Variants in KCNJ1 observed in about 807,000 individuals in gnomAD.
KCNJ1 encodes the protein ATP-sensitive inward rectifier potassium channel 1.
A neutral mutation model predicts 21.9 loss-of-function variants in KCNJ1; 24 were observed. The ratio of observed to expected loss-of-function variants is 1.10; its 90% confidence interval spans 0.79 to 1.54. The LOEUF is 1.54. Ranked by LOEUF, KCNJ1 falls within the 40% of genes most tolerant of loss-of-function variation. KCNJ1 has a pLI of 0.00. For synonymous variants in KCNJ1, 152 were observed against 160.9 expected, an observed-to-expected ratio of 0.94 and a Z score of 0.42; for missense variants, 457 against 455.4, an observed-to-expected ratio of 1.00 and a Z score of -0.03.
In KCNJ1 at chr11:128,847,237, C is replaced by T. The variant is rs544412091; in HGVS notation, c.-22+3484G>A. On this transcript the variant is annotated intron_variant, in intron 2 of 2. Transcript: ENST00000392666. ...CCTTTCCAAAACCCTCTCAGTGAGA[C>T]GCCCCATGATTGTTTATGGTGCAGT... 8.0e-4 allele frequency among the ~76,000 whole-genome samples: 122 copies of T among 152,300 alleles called. 1 individual carries two copies. The highest frequency in any genetic ancestry group is 2.2e-3 in the African/African-American group (92 of 41,564).
intron 1 of KCNJ1, among the ~76,000 whole-genome samples, chr11:128,855,392 T>C (rs1250524611): frequency 2.0e-5 from 3 of 152,078 alleles, no homozygotes; most frequent in Non-Finnish European, 4.4e-5. Flanking sequence ...CCTCTAGGAA[T>C]TGTGATGAGA....
intron 2 of KCNJ1, among the ~76,000 whole-genome samples, chr11:128,846,210 G>A (rs1182053226): frequency 1.3e-5 from 2 of 152,102 alleles, no homozygotes; most frequent in Non-Finnish European, 1.5e-5. Context: ...AGAGTCAGGT[G>A]AGCTAAGCAA....
chr11:128,863,044 G>A (rs1943748677), intron 1 of KCNJ1, among the ~76,000 whole-genome samples: 1 of 152,220 alleles, frequency 6.6e-6, no homozygotes, highest in African/African-American at 2.4e-5. Context: ...AAGCCAGAAA[G>A]CTCCTGAGAA....
rs1245944232 is a variant in KCNJ1, at chr11:128,850,881, G to C, written c.-182C>G. On this transcript the variant is annotated 5_prime_UTR_variant, in exon 2 of 3. Transcript: ENST00000392666. ...CCAGGATGGGGATGAAGGCACAGTAGAGAAGAAACCTGGTAAAATACAACA... is the reference window on the plus strand; with the variant it reads ...CCAGGATGGGGATGAAGGCACAGTACAGAAGAAACCTGGTAAAATACAACA... The C allele has an allele frequency of 1.0e-6, 1 of 985,320 alleles. No homozygotes were observed. The highest frequency in any genetic ancestry group is 1.2e-6 in the Non-Finnish European group (1 of 829,906). The allele number at this position is 985,320 out of a possible 1,614,324, so 61.0% of individuals were successfully genotyped here.
chr11:128,854,026 C>T (rs1383821455), intron 1 of KCNJ1, among the ~76,000 whole-genome samples: 3 of 152,176 alleles, frequency 2.0e-5, no homozygotes, highest in Non-Finnish European at 4.4e-5. Flanking sequence ...CAGGCTGGCC[C>T]GTGGGCCCTC....
intron 1 of KCNJ1, among the ~76,000 whole-genome samples, chr11:128,855,641 T>C (rs757230619): frequency 6.6e-6 from 1 of 152,190 alleles, no homozygotes; most frequent in Non-Finnish European, 1.5e-5. Flanking sequence ...GAGTGAGTTA[T>C]TTGGCTTCTC....
chr11:128,860,786 G>A (rs1679818315), intron 1 of KCNJ1, among the ~76,000 whole-genome samples: 1 of 151,932 alleles, frequency 6.6e-6, no homozygotes. Flanking sequence ...TGACCACAGA[G>A]GAAAGTGCCC....
At chr11:128,850,078 C>CT (rs1555136224) in intron 2 of KCNJ1, among the ~76,000 whole-genome samples, 5 of 152,090 alleles carry the variant, frequency 3.3e-5, no homozygotes, top group East Asian at 1.9e-4. Context: ...AGGGCCCCCC[C>CT]GCCTCCAACC....
In KCNJ1 at chr11:128,839,506, TG is replaced by T. The variant is rs947839654; in HGVS notation, c.737del (p.Pro246HisfsTer2). 6 of 1,614,218 alleles carry T rather than the reference TG, an allele frequency of 3.7e-6. No individual in the cohort carries two copies. The highest frequency in any genetic ancestry group is 5.1e-6 in the Non-Finnish European group (6 of 1,180,032). On this transcript the variant is annotated frameshift_variant, in exon 3 of 3. Transcript: ENST00000392666. LOFTEE classifies it high-confidence loss of function. ...AGNENLFFISPLTIYHVIDHN... is the reference protein window; with the variant it reads ...AGNENLFFISXLTIYHVIDHN... Reference sequence around the variant, plus strand: ...GATCAATGACATGGTAAATTGTCAATGGGGAGATGAAGAATAAATTTTCATT... The same window carrying T: ...GATCAATGACATGGTAAATTGTCAATGGGAGATGAAGAATAAATTTTCATT...
In KCNJ1 at chr11:128,838,804, C is replaced by T; in HGVS notation, c.*321G>A. The T allele has an allele frequency of 6.6e-6, 2 of 301,738 alleles. No individual in the cohort carries two copies. The highest frequency in any genetic ancestry group is 9.7e-5 in the South Asian group (2 of 20,620). 18.7% of individuals were successfully genotyped at this position (301,738 alleles called of 1,614,324 possible). A position where few individuals can be genotyped will look rare whatever the true frequency, so the allele number is the denominator to read the frequency against. On this transcript the variant is annotated 3_prime_UTR_variant, in exon 3 of 3. Coordinates refer to ENST00000392666, the MANE Select transcript of KCNJ1 (RefSeq NM_153766.3). ...AAACTTTAAAAAATATTTTGTTTGG[C>T]CTGTTCATGAAACTTTTGATAATTT...
intron 1 of KCNJ1, among the ~76,000 whole-genome samples, chr11:128,861,652 C>T (rs1943710247): frequency 6.6e-6 from 1 of 152,284 alleles, no homozygotes; most frequent in Non-Finnish European, 1.5e-5. Context: ...GGTGCAAGCC[C>T]AGGAGTGAGG....
intron 2 of KCNJ1, among the ~76,000 whole-genome samples, chr11:128,849,904 G>A (rs767649883): frequency 1.3e-5 from 2 of 152,090 alleles, no homozygotes; most frequent in African/African-American, 2.4e-5. Context: ...CTGCCCGCCC[G>A]CCAACCCACC....
Position 128,839,076 on chromosome 11 carries a change from G to T in KCNJ1, c.*49C>A. On this transcript the variant is annotated 3_prime_UTR_variant, in exon 3 of 3. Coordinates refer to ENST00000392666, the MANE Select transcript of KCNJ1 (RefSeq NM_153766.3). ...GTTGACTGCTTCATAATGCTTCTAG[G>T]TACTAGGAGCTTTAGAGACTTTGCT... The T allele has an allele frequency of 6.7e-7, 1 of 1,501,478 alleles. No individual in the cohort carries two copies. Among genetic ancestry groups the T allele is most frequent in the Non-Finnish European group, 9.2e-7 (1 of 1,085,098 alleles). The allele number at this position is 1,501,478 out of a possible 1,614,324, so 93.0% of individuals were successfully genotyped here.
At position 128,855,781 on chromosome 11, in the gene KCNJ1, C is replaced by T. The variant is rs933367645; in HGVS notation, c.-191-4891G>A. Among the ~76,000 whole-genome samples the T allele has an allele frequency of 7.2e-5, 11 of 152,210 alleles. No individual in the cohort carries two copies. The South Asian group carries it at 2.3e-3, about 32-fold the overall frequency. ...GGAAAGCCACAATAAATGCCAGGCTCCTTCCTTGTTTAGCAGGGCTGAGGG... is the reference window on the plus strand; with the variant it reads ...GGAAAGCCACAATAAATGCCAGGCTTCTTCCTTGTTTAGCAGGGCTGAGGG... On this transcript the variant is annotated intron_variant, in intron 1 of 2. Transcript: ENST00000392666.
chr11:128,842,688 G>A (rs900035102), intron 2 of KCNJ1, among the ~76,000 whole-genome samples: 7 of 152,248 alleles, frequency 4.6e-5, no homozygotes, highest in Non-Finnish European at 1.0e-4. Flanking sequence ...CAAGCCATCA[G>A]CTAAGGTCTC....
chr11:128,844,049 T>C (rs900368126), intron 2 of KCNJ1, among the ~76,000 whole-genome samples: 32 of 152,244 alleles, frequency 2.1e-4, no homozygotes, highest in Non-Finnish European at 1.0e-4. Context: ...GAGTCACATA[T>C]AGTAGAAACT....
chr11:128,859,449 A>G (rs1355109167), intron 1 of KCNJ1, among the ~76,000 whole-genome samples: 1 of 152,166 alleles, frequency 6.6e-6, no homozygotes, highest in Admixed American at 6.5e-5. Context: ...AGGTCTCACT[A>G]GGTTACCCAG....
intron 1 of KCNJ1, among the ~76,000 whole-genome samples, chr11:128,854,452 C>A (rs1453319974): frequency 6.6e-6 from 1 of 152,052 alleles, no homozygotes; most frequent in Non-Finnish European, 1.5e-5. Context: ...CAAAACCCCG[C>A]CTTGCCCCAC....
intron 1 of KCNJ1, among the ~76,000 whole-genome samples, chr11:128,857,412 C>G (rs1304488771): frequency 1.3e-5 from 2 of 152,182 alleles, no homozygotes; most frequent in Non-Finnish European, 2.9e-5. Flanking sequence ...CCCTCCAGGA[C>G]AGCAGCCCGT....
Sources: allele counts gnomAD v4.1 joint callset (sites outside exome capture counted in the v4.1 genomes callset), GRCh38; gene constraint gnomAD v4.1.1; transcripts MANE v1.5; gene names NCBI Gene and HGNC (gene_info 2026-07-23, HGNC 2026-07-21).